ADAMTS19: variants seen among roughly 807,000 people sequenced by gnomAD.
The protein encoded by ADAMTS19 is A disintegrin and metalloproteinase with thrombospondin motifs 19.
A neutral mutation model predicts 153.3 loss-of-function variants in ADAMTS19; 93 were observed. That is an observed-to-expected ratio of 0.61 (90% CI 0.51 to 0.72). ADAMTS19 has a LOEUF of 0.72. Among genes scored for constraint, ADAMTS19 ranks in the 30% least tolerant of loss-of-function variants. The probability of loss-of-function intolerance (pLI) is 0.00; values close to 1 mark genes in which losing one functional copy is unlikely to be tolerated. For missense variants in ADAMTS19, 1,482 were observed against 1,552.1 expected (o/e 0.95, Z 0.76); for synonymous variants, 600 against 556.6 (o/e 1.08, Z -1.10).
intron 18 of ADAMTS19, among the ~76,000 whole-genome samples, chr5:129,685,666 A>G (rs544910574): frequency 3.3e-5 from 5 of 152,214 alleles, no homozygotes; most frequent in Non-Finnish European, 7.3e-5. Context: ...GACTCTAGGT[A>G]ACTCAGGAAT....
intron 2 of ADAMTS19, among the ~76,000 whole-genome samples, chr5:129,494,981 C>T (rs1215028167): frequency 6.6e-6 from 1 of 151,984 alleles, no homozygotes. Flanking sequence ...GTAGTAATTA[C>T]TTTTGAGCCA....
chr5:129,564,071 C>A (rs1404680642), intron 7 of ADAMTS19, among the ~76,000 whole-genome samples: 2 of 152,128 alleles, frequency 1.3e-5, no homozygotes, highest in Non-Finnish European at 2.9e-5. Context: ...AGGCATGTGC[C>A]ACCATGCCCA....
intron 19 of ADAMTS19, among the ~76,000 whole-genome samples, chr5:129,695,676 C>T (rs1755520324): frequency 6.6e-6 from 1 of 152,134 alleles, no homozygotes; most frequent in Non-Finnish European, 1.5e-5. Flanking sequence ...TAGGACTCAG[C>T]CCTGGTGTCC....
At chr5:129,528,013 G>A (rs1057464940) in intron 5 of ADAMTS19, among the ~76,000 whole-genome samples, 182 bp downstream of exon 5, 1 of 151,846 alleles carries the variant, frequency 6.6e-6, no homozygotes, top group Non-Finnish European at 1.5e-5. Context: ...TAAAAAATAA[G>A]ATGTCGTTAG....
intron 7 of ADAMTS19, among the ~76,000 whole-genome samples, chr5:129,558,040 G>A (rs1753372760): frequency 6.7e-6 from 1 of 148,520 alleles, no homozygotes. Context: ...CCTTTCATAC[G>A]ATTCAAAACA....
At chr5:129,707,843 A>AT (rs1218354804) in intron 21 of ADAMTS19, among the ~76,000 whole-genome samples, 2 of 152,122 alleles carry the variant, frequency 1.3e-5, no homozygotes, top group East Asian at 1.9e-4. Context: ...TAAATGTACA[A>AT]TTTTTTTATA....
At chr5:129,477,834 C>T (rs1862164) in intron 2 of ADAMTS19, among the ~76,000 whole-genome samples, 65,076 of 152,046 alleles carry the variant, frequency 0.43, 18,060 homozygotes, top group African/African-American at 0.79. Context: ...AGACTCTATA[C>T]TGGAACTGCA....
chr5:129,608,304 A>T (rs1415448534), intron 8 of ADAMTS19, among the ~76,000 whole-genome samples: 2 of 151,738 alleles, frequency 1.3e-5, no homozygotes, highest in Non-Finnish European at 2.9e-5. Flanking sequence ...AGTCAAACTC[A>T]TAGTAACAGA....
chr5:129,721,211 A>C (rs530027654), intron 21 of ADAMTS19, among the ~76,000 whole-genome samples: 1 of 152,338 alleles, frequency 6.6e-6, no homozygotes, highest in South Asian at 2.1e-4. Context: ...TGTTCATATA[A>C]ACTATGGGAA....
At chr5:129,596,529 C>G (rs758807266) in intron 7 of ADAMTS19, 30 bp from the exon 8 acceptor site, 8 of 1,402,784 alleles carry the variant, frequency 5.7e-6, no homozygotes, top group Non-Finnish European at 7.9e-6. Context: ...TTCATTCAGA[C>G]ATATAATAAT....
chr5:129,644,506 G>A (rs1752968327), intron 11 of ADAMTS19, among the ~76,000 whole-genome samples: 1 of 152,134 alleles, frequency 6.6e-6, no homozygotes, highest in African/African-American at 2.4e-5. Context: ...CATCTGAGAA[G>A]GTGCTTACAG....
chr5:129,606,949 ACT>A (rs1750927108), intron 8 of ADAMTS19, among the ~76,000 whole-genome samples: 1 of 151,710 alleles, frequency 6.6e-6, no homozygotes, highest in South Asian at 2.1e-4. Flanking sequence ...ATGGAGTCTC[ACT>A]CTGTTGCCCA....
At chr5:129,526,928 C>T (rs963247575) in intron 4 of ADAMTS19, among the ~76,000 whole-genome samples, 1 of 151,548 alleles carries the variant, frequency 6.6e-6, no homozygotes, top group Non-Finnish European at 1.5e-5. Flanking sequence ...ATATATGTGG[C>T]CCCACAAAAG....
intron 21 of ADAMTS19, among the ~76,000 whole-genome samples, chr5:129,733,801 T>C (rs918497137): frequency 3.3e-5 from 5 of 151,928 alleles, no homozygotes; most frequent in East Asian, 1.9e-4. Context: ...AGTCCCACTA[T>C]TGGGTATCTA....
intron 21 of ADAMTS19, among the ~76,000 whole-genome samples, chr5:129,708,650 ATTAT>A (rs1164030315): frequency 1.4e-5 from 2 of 147,612 alleles, no homozygotes; most frequent in African/African-American, 2.5e-5. Context: ...ACAGGATCTG[ATTAT>A]TTATGAAGTT....
At chr5:129,530,430 GA>G (rs1752159119) in intron 6 of ADAMTS19, among the ~76,000 whole-genome samples, 1 of 152,098 alleles carries the variant, frequency 6.6e-6, no homozygotes, top group African/African-American at 2.4e-5. Flanking sequence ...GAAAACCAAA[GA>G]AAAACATAAA....
rs200081539 is a variant in ADAMTS19 at position 129,543,054 on chromosome 5, T to TG, written c.1329-8810_1329-8809insG. On this transcript the variant is annotated intron_variant, in intron 6 of 22. Transcript: ENST00000274487. The stretch of plus-strand genomic sequence containing the variant: ...TTGTTGTTGTTGTTGTTTTGTTTTT[T>TG]TTTTTTTAATTTAAGAAGGAGTTTT... Among the ~76,000 whole-genome samples, 652 of 151,434 alleles carry TG rather than the reference T, an allele frequency of 4.3e-3. 4 individuals are homozygous for TG. Among genetic ancestry groups the TG allele is most frequent in the East Asian group, 0.026 (133 of 5,162 alleles).
intron 7 of ADAMTS19, among the ~76,000 whole-genome samples, chr5:129,586,705 T>G (rs139570307): frequency 6.7e-4 from 102 of 152,302 alleles, no homozygotes; most frequent in African/African-American, 2.4e-3. Context: ...TAAGAGTATG[T>G]TTAGTTTTAT....
chr5:129,735,388 A>G (rs1561677929), intron 22 of ADAMTS19, among the ~76,000 whole-genome samples: 2 of 152,048 alleles, frequency 1.3e-5, no homozygotes, highest in Non-Finnish European at 2.9e-5. Context: ...ACCAAAATTT[A>G]GACTCGGATC....
Sources: allele counts gnomAD v4.1 joint callset (sites outside exome capture counted in the v4.1 genomes callset), GRCh38; gene constraint gnomAD v4.1.1; transcripts MANE v1.5; gene names NCBI Gene and HGNC (gene_info 2026-07-23, HGNC 2026-07-21).